Variants in ENPP4 observed in about 807,000 individuals in gnomAD.
ENPP4 encodes ectonucleotide pyrophosphatase/phosphodiesterase 4, also known as bis(5'-adenosyl)-triphosphatase ENPP4.
Under a neutral mutation model 33.4 loss-of-function variants are expected in ENPP4, and 18 were observed. The ratio of observed to expected loss-of-function variants is 0.54; its 90% CI spans 0.37 to 0.80. ENPP4 has a LOEUF of 0.80. Among genes scored for constraint, ENPP4 ranks in the 30% least tolerant of loss-of-function variants. The pLI is 0.00. For missense variants in ENPP4, 480 were observed against 541.7 expected, an observed-to-expected ratio of 0.89 and a Z score of 1.13; for synonymous variants, 172 against 189.9, an observed-to-expected ratio of 0.91 and a Z score of 0.78.
chr6:46,139,531 G>T lies in ENPP4; in HGVS notation c.-33-20G>T. 2.1e-6 allele frequency: 2 copies of T among 945,738 alleles called. No homozygotes were observed. The highest frequency in any genetic ancestry group is 4.8e-5 in the East Asian group (2 of 41,844). 58.6% of individuals were successfully genotyped at this position (945,738 alleles called of 1,614,324 possible). On this transcript the variant is annotated intron_variant, in intron 1 of 3. Transcript: ENST00000321037. ...AATGAAATAGAATTACTACTTATGA[G>T]TTGTGTTTTTACATTTTAGGAACCC...
Position 46,140,427 on chromosome 6 carries a change from T to A in ENPP4, c.826+18T>A. The A allele has an allele frequency of 7.1e-7, 1 of 1,411,156 alleles. No individual in the cohort carries two copies. Among genetic ancestry groups the A allele is most frequent in the Non-Finnish European group, 9.7e-7 (1 of 1,034,792 alleles). 87.4% of individuals were successfully genotyped at this position (1,411,156 alleles called of 1,614,324 possible). On this transcript the variant is annotated intron_variant, in intron 2 of 3. Transcript: ENST00000321037. ...CAAAATAAGTAAGTAAACATTCAAC[T>A]GAGGGATACTATTATTCGAATGGGG...
At chr6:46,131,710 C>T (rs951810695) in intron 1 of ENPP4, among the ~76,000 whole-genome samples, 1 of 150,782 alleles carries the variant, frequency 6.6e-6, no homozygotes, top group African/African-American at 2.4e-5. Flanking sequence ...ATTTCTAGTT[C>T]TAGATCCCTG....
At chr6:46,142,664 C>A (rs539465491) in intron 3 of ENPP4, among the ~76,000 whole-genome samples, 1 of 151,278 alleles carries the variant, frequency 6.6e-6, no homozygotes, top group East Asian at 1.9e-4. Context: ...TTATTAAATA[C>A]AACGGGTGTA....
At chr6:46,131,258 A>G (rs916129418) in intron 1 of ENPP4, among the ~76,000 whole-genome samples, 1 of 152,132 alleles carries the variant, frequency 6.6e-6, no homozygotes, top group Non-Finnish European at 1.5e-5. Flanking sequence ...CGCTGCACCC[A>G]CTAACCCATC....
At chr6:46,131,003 C>CT (rs1284640625) in intron 1 of ENPP4, among the ~76,000 whole-genome samples, 4 of 152,140 alleles carry the variant, frequency 2.6e-5, no homozygotes, top group African/African-American at 7.2e-5. Context: ...TCTATTTCTT[C>CT]TTTTTTCCCC....
chr6:46,143,828 C>A lies in ENPP4; in HGVS notation c.*188C>A. Reference sequence around the variant, plus strand: ...GCATTTGCTAATAAGATAACGCTGACCATAGTAAAATTGTTAGTAAATCAT... The same window carrying A: ...GCATTTGCTAATAAGATAACGCTGAACATAGTAAAATTGTTAGTAAATCAT... On this transcript the variant is annotated 3_prime_UTR_variant, in exon 4 of 4. Transcript: ENST00000321037. 1 of 535,350 alleles carries A rather than the reference C, an allele frequency of 1.9e-6. No homozygotes were observed. Among genetic ancestry groups the A allele is most frequent in the Non-Finnish European group, 3.2e-6 (1 of 311,562 alleles). The allele number at this position is 535,350 out of a possible 1,614,324, so 33.2% of individuals were successfully genotyped here.
At chr6:46,134,725 C>A (rs1056780661) in intron 1 of ENPP4, among the ~76,000 whole-genome samples, 32 of 152,000 alleles carry the variant, frequency 2.1e-4, no homozygotes, top group African/African-American at 7.7e-4. Context: ...AAATCACACA[C>A]CATTCAATTC....
In ENPP4 at chr6:46,139,619, T is replaced by C. The variant is rs141274320; in HGVS notation, c.36T>C (p.Leu12=). The change falls in exon 2 of 4, where the codon CTT becomes CTC. Residue 12 remains leucine, a synonymous_variant. Transcript: ENST00000321037. ...KLLVILLFSG[L]ITGFRSDSSS... ...TAGTAATACTTTTGTTTTCTGGACT[T>C]ATAACTGGTTTTAGAAGTGACTCTT... 13 of 1,606,830 alleles carry C rather than the reference T, an allele frequency of 8.1e-6. No homozygotes were observed. The African/African-American group carries it at 1.6e-4, about 20-fold the overall frequency.
At chr6:46,142,020 A>G (rs1764068925) in intron 3 of ENPP4, among the ~76,000 whole-genome samples, 1 of 151,538 alleles carries the variant, frequency 6.6e-6, no homozygotes, top group African/African-American at 2.4e-5. Context: ...TGTTTACAAA[A>G]AGGATGGAGG....
intron 2 of ENPP4, 43 bp from the exon 3 acceptor site, chr6:46,141,009 C>G (rs762065029): frequency 7.6e-7 from 1 of 1,311,730 alleles, no homozygotes; most frequent in Non-Finnish European, 1.1e-6. Context: ...TTTTCCTTAT[C>G]AATCATAACT....
chr6:46,139,204 G>A (rs1764018992), intron 1 of ENPP4, among the ~76,000 whole-genome samples: 2 of 151,674 alleles, frequency 1.3e-5, no homozygotes, highest in Admixed American at 1.3e-4. Flanking sequence ...TTAACGTTAT[G>A]TTTTACAAAA....
intron 1 of ENPP4, among the ~76,000 whole-genome samples, chr6:46,132,736 A>G (rs1763919386): frequency 6.6e-6 from 1 of 152,116 alleles, no homozygotes; most frequent in Admixed American, 6.5e-5. Context: ...ATCTATAAAT[A>G]CCTTGGGCAT....
intron 3 of ENPP4, 134 bp from the exon 4 acceptor site, chr6:46,143,142 A>G (rs1764092607): frequency 1.2e-6 from 1 of 811,064 alleles, no homozygotes; most frequent in Non-Finnish European, 2.0e-6. Flanking sequence ...TATGGAACAT[A>G]GCTGAGTTGA....
chr6:46,142,813 C>T (rs910918830), intron 3 of ENPP4, among the ~76,000 whole-genome samples: 8 of 151,838 alleles, frequency 5.3e-5, no homozygotes, highest in East Asian at 1.9e-4. Context: ...ACACATTCAA[C>T]GCAAGATCCC....
intron 1 of ENPP4, among the ~76,000 whole-genome samples, chr6:46,136,787 A>G (rs970853358): frequency 6.6e-6 from 1 of 151,940 alleles, no homozygotes; most frequent in Non-Finnish European, 1.5e-5. Flanking sequence ...TTAAGAGACA[A>G]AAGTGCTCTG....
chr6:46,131,375 G>A (rs993671280), intron 1 of ENPP4, among the ~76,000 whole-genome samples: 20 of 132,956 alleles, frequency 1.5e-4, no homozygotes, highest in Non-Finnish European at 2.7e-4. Flanking sequence ...TGTTCTCATT[G>A]TTCAATTCCC....
chr6:46,133,421 A>G (rs1484378755), intron 1 of ENPP4, among the ~76,000 whole-genome samples: 3 of 152,162 alleles, frequency 2.0e-5, no homozygotes, highest in Non-Finnish European at 4.4e-5. Context: ...TCATTGTATT[A>G]CAGAGCAGAT....
At chr6:46,135,670 C>T (rs557494607) in intron 1 of ENPP4, among the ~76,000 whole-genome samples, 7 of 151,884 alleles carry the variant, frequency 4.6e-5, no homozygotes, top group African/African-American at 1.7e-4. Context: ...ATTTTGAAGT[C>T]CAGTTTATTT....
intron 1 of ENPP4, among the ~76,000 whole-genome samples, chr6:46,134,185 C>T (rs1562058679): frequency 6.6e-6 from 1 of 152,010 alleles, no homozygotes; most frequent in Non-Finnish European, 1.5e-5. Context: ...TAAAGGGAAA[C>T]TAATTTTGAG....
Sources: allele counts gnomAD v4.1 joint callset (sites outside exome capture counted in the v4.1 genomes callset), GRCh38; gene constraint gnomAD v4.1.1; transcripts MANE v1.5; gene names NCBI Gene and HGNC (gene_info 2026-07-23, HGNC 2026-07-21).